The following EYS variants were observed in gnomAD, a reference collection of about 807,000 sequenced individuals.
The protein encoded by EYS is EGF-like photoreceptor maintenance factor, also known as protein eyes shut homolog.
Under a neutral mutation model 282.1 loss-of-function variants are expected in EYS, and 250 were observed. That is an observed-to-expected ratio of 0.89 (90% CI 0.80 to 0.98). The LOEUF is 0.98. Among genes scored for constraint, EYS ranks in the 50% least tolerant of loss-of-function variants. EYS has a pLI of 0.00. For synonymous variants in EYS, 1,355 were observed against 1,282.9 expected, an observed-to-expected ratio of 1.06 and a Z score of -1.20; for missense variants, 4,016 against 3,709.0, an observed-to-expected ratio of 1.08 and a Z score of -2.15.
At chr6:65,244,018 T>C (rs1322718741) in intron 12 of EYS, among the ~76,000 whole-genome samples, 1 of 152,224 alleles carries the variant, frequency 6.6e-6, no homozygotes, top group Admixed American at 6.5e-5. Flanking sequence ...GTCATAGTCC[T>C]CTTCTCTCCA....
intron 13 of EYS, among the ~76,000 whole-genome samples, chr6:65,042,421 T>C (rs1772966427): frequency 6.6e-6 from 1 of 151,570 alleles, no homozygotes; most frequent in Admixed American, 6.6e-5. Flanking sequence ...CTATTGTTTT[T>C]TGTTGTAATT....
chr6:64,310,976 G>C (rs776885038), intron 29 of EYS, among the ~76,000 whole-genome samples: 2 of 151,806 alleles, frequency 1.3e-5, no homozygotes, highest in African/African-American at 4.8e-5. Flanking sequence ...TATTTCAAAG[G>C]TTCTTGTTTT....
intron 1 of EYS, among the ~76,000 whole-genome samples, chr6:65,673,366 G>A (rs1768465653): frequency 6.6e-6 from 1 of 151,936 alleles, no homozygotes; most frequent in African/African-American, 2.4e-5. Flanking sequence ...GTTAAAAGAA[G>A]CATTTGTCAT....
rs574521965 is a variant in EYS at position 64,215,229 on chromosome 6, A to G, written c.6424+15363T>C. On this transcript the variant is annotated intron_variant, in intron 31 of 42. Coordinates refer to ENST00000503581, the MANE Select transcript of EYS (RefSeq NM_001142800.2). ...AATTCTAGCAAAGTTTCAGTGATAT[A>G]CCAAAAATATTTTATCTAGCTGTTG... Among the ~76,000 whole-genome samples, 15 of 152,200 alleles carry G rather than the reference A, an allele frequency of 9.9e-5. No individual in the cohort carries two copies. In the South Asian group the frequency reaches 3.1e-3, roughly 32 times the overall value.
chr6:64,814,830 TA>T (rs1764701727), intron 21 of EYS, among the ~76,000 whole-genome samples: 1 of 152,036 alleles, frequency 6.6e-6, no homozygotes, highest in Non-Finnish European at 1.5e-5. Context: ...TTCTCAAGGA[TA>T]ATTCCATATG....
intron 14 of EYS, among the ~76,000 whole-genome samples, chr6:64,958,224 C>T (rs928427341): frequency 8.6e-5 from 13 of 151,744 alleles, no homozygotes; most frequent in Non-Finnish European, 1.8e-4. Context: ...ATGTATATAA[C>T]ATCAAATTTT....
chr6:64,362,720 A>G (rs1772057905), intron 29 of EYS, among the ~76,000 whole-genome samples: 1 of 151,746 alleles, frequency 6.6e-6, no homozygotes. Context: ...TGTCAGTGTG[A>G]GAGGACATAA....
intron 2 of EYS, among the ~76,000 whole-genome samples, chr6:65,551,993 C>A (rs1768613219): frequency 3.0e-5 from 1 of 33,382 alleles, no homozygotes; most frequent in African/African-American, 3.3e-4. Context: ...AAAAAACAAA[C>A]AACCCCATCA....
intron 28 of EYS, among the ~76,000 whole-genome samples, chr6:64,410,941 G>A (rs928767857): frequency 1.3e-5 from 2 of 152,026 alleles, no homozygotes; most frequent in African/African-American, 2.4e-5. Flanking sequence ...TTTTTAGTTG[G>A]GTAGTAATCT....
intron 19 of EYS, among the ~76,000 whole-genome samples, chr6:64,857,336 T>C (rs932796185): frequency 2.6e-5 from 4 of 152,204 alleles, no homozygotes; most frequent in African/African-American, 7.2e-5. Flanking sequence ...TTAGATTCCA[T>C]ATGTAAGTGA....
intron 22 of EYS, among the ~76,000 whole-genome samples, chr6:64,767,777 T>C (rs1397019163): frequency 7.9e-5 from 12 of 152,182 alleles, no homozygotes; most frequent in Non-Finnish European, 1.8e-4. Flanking sequence ...ATATACTGAT[T>C]TTTTTCCTTT....
chr6:65,484,449 T>A (rs746495605), intron 5 of EYS, among the ~76,000 whole-genome samples: 1 of 152,198 alleles, frequency 6.6e-6, no homozygotes, highest in Non-Finnish European at 1.5e-5. Context: ...AACATGAGGA[T>A]AATATGGTAA....
At chr6:64,232,133 C>T (rs1380382519) in intron 30 of EYS, among the ~76,000 whole-genome samples, 2 of 152,066 alleles carry the variant, frequency 1.3e-5, no homozygotes, top group Admixed American at 6.6e-5. Flanking sequence ...TCAGTTCTTT[C>T]GCAACCTGAA....
At chr6:64,160,386 GA>G (rs2150300615) in intron 31 of EYS, among the ~76,000 whole-genome samples, 1 of 152,206 alleles carries the variant, frequency 6.6e-6, no homozygotes, top group South Asian at 2.1e-4. Flanking sequence ...TTTTTCTTAA[GA>G]AATTATATCG....
At chr6:65,640,687 G>A (rs181554060) in intron 1 of EYS, among the ~76,000 whole-genome samples, 15 of 152,144 alleles carry the variant, frequency 9.9e-5, no homozygotes, top group Admixed American at 9.8e-4. Flanking sequence ...TGCTGCTATT[G>A]ACAAGTCACC....
intron 29 of EYS, among the ~76,000 whole-genome samples, chr6:64,378,609 A>C (rs1405244778): frequency 6.6e-6 from 1 of 152,208 alleles, no homozygotes; most frequent in Non-Finnish European, 1.5e-5. Context: ...TAAGTGTTAA[A>C]TGTGCAATAT....
At chr6:64,945,447 A>G (rs1233719512) in intron 15 of EYS, among the ~76,000 whole-genome samples, 1 of 152,032 alleles carries the variant, frequency 6.6e-6, no homozygotes, top group Non-Finnish European at 1.5e-5. Context: ...TAGCGGACTC[A>G]CTCCTTTCTT....
chr6:64,568,873 A>G (rs1765634989), intron 26 of EYS, among the ~76,000 whole-genome samples: 1 of 152,160 alleles, frequency 6.6e-6, no homozygotes, highest in South Asian at 2.1e-4. Context: ...ACTCCAGCAG[A>G]CATGCAGCAG....
intron 10 of EYS, among the ~76,000 whole-genome samples, chr6:65,341,562 C>T (rs1770200974): frequency 6.6e-6 from 1 of 151,198 alleles, no homozygotes; most frequent in East Asian, 1.9e-4. Context: ...AGAGAGATTA[C>T]TGTGTATTAT....
Sources: allele counts gnomAD v4.1 joint callset (sites outside exome capture counted in the v4.1 genomes callset), GRCh38; gene constraint gnomAD v4.1.1; transcripts MANE v1.5; gene names NCBI Gene and HGNC (gene_info 2026-07-23, HGNC 2026-07-21).